The following VTI1B variants were observed in gnomAD, a reference collection of about 807,000 sequenced individuals.
VTI1B encodes the protein vesicle transport through interaction with t-SNAREs homolog 1B.
In VTI1B, 18 loss-of-function variants were observed where a neutral mutation model predicts 28.6. The observed-to-expected ratio is 0.63, with a 90% CI of 0.43 to 0.93. The LOEUF (loss-of-function observed/expected upper bound fraction) is 0.93, where lower values mean the gene tolerates loss of function less well. Among genes scored for constraint, VTI1B ranks in the 40% least tolerant of loss-of-function variants. VTI1B has a pLI of 0.00. For synonymous variants in VTI1B, 100 were observed against 107.9 expected, an observed-to-expected ratio of 0.93 and a Z score of 0.46; for missense variants, 283 against 297.0, an observed-to-expected ratio of 0.95 and a Z score of 0.35.
chr14:67,662,462 G>A lies in VTI1B; in HGVS notation c.174+15C>T, dbSNP rs1457923799. ...ACACCAGGTAGAAGAAACAAAATTT[G>A]TTCCTTGTTCTCACCGTTTCATTTG... is the stretch of plus-strand genomic sequence containing the variant. On this transcript the variant is annotated intron_variant, in intron 2 of 5. Coordinates refer to ENST00000554659, the MANE Select transcript of VTI1B (RefSeq NM_006370.3). 1 of 1,610,604 alleles carries A rather than the reference G, an allele frequency of 6.2e-7. No homozygotes were observed. The highest frequency in any genetic ancestry group is 8.5e-7 in the Non-Finnish European group (1 of 1,178,468).
rs534640426 is a variant in VTI1B, at chr14:67,651,085, T to C, written c.*300A>G. Reference sequence around the variant, plus strand: ...TCCCCTCTATTTTGGTGACCAATACTACTGTAAATGTATTTGGTTTTTTGC... The same window carrying C: ...TCCCCTCTATTTTGGTGACCAATACCACTGTAAATGTATTTGGTTTTTTGC... On this transcript the variant is annotated 3_prime_UTR_variant, in exon 6 of 6. Transcript: ENST00000554659. The C allele has an allele frequency of 2.3e-5, 22 of 939,878 alleles. No homozygotes were observed. The highest frequency in any genetic ancestry group is 3.5e-5 in the Non-Finnish European group (22 of 632,944). The allele number at this position is 939,878 out of a possible 1,614,324, so 58.2% of individuals were successfully genotyped here.
At chr14:67,665,551 GCCA>G (rs1314885139) in intron 1 of VTI1B, among the ~76,000 whole-genome samples, 2 of 152,042 alleles carry the variant, frequency 1.3e-5, no homozygotes, top group Admixed American at 1.3e-4. Flanking sequence ...ACAGGTGTGA[GCCA>G]CCACACCTGT....
At chr14:67,661,120 AT>A (rs1443234185) in intron 2 of VTI1B, among the ~76,000 whole-genome samples, 3 of 151,924 alleles carry the variant, frequency 2.0e-5, no homozygotes, top group Non-Finnish European at 4.4e-5. Flanking sequence ...CCAAAAGAGA[AT>A]TTTTTCTCCA....
chr14:67,669,164 T>G (rs2037436981), intron 1 of VTI1B, among the ~76,000 whole-genome samples: 1 of 152,126 alleles, frequency 6.6e-6, no homozygotes, highest in Non-Finnish European at 1.5e-5. Context: ...CTGTCCAAGG[T>G]CACACTGCTA....
At chr14:67,672,444 TTTC>T (rs1290014137) in intron 1 of VTI1B, among the ~76,000 whole-genome samples, 4 of 98,278 alleles carry the variant, frequency 4.1e-5, no homozygotes, top group Non-Finnish European at 7.8e-5. Context: ...TTTCTTTTCT[TTTC>T]TTTTTTTTTT....
intron 1 of VTI1B, among the ~76,000 whole-genome samples, chr14:67,664,887 G>A (rs2037381159): frequency 6.6e-6 from 1 of 151,824 alleles, no homozygotes; most frequent in Non-Finnish European, 1.5e-5. Flanking sequence ...CTTTTTTTGA[G>A]ACTGTGTCTC....
chr14:67,671,878 G>A (rs2031116413), intron 1 of VTI1B, among the ~76,000 whole-genome samples: 1 of 152,152 alleles, frequency 6.6e-6, no homozygotes, highest in Non-Finnish European at 1.5e-5. Context: ...GCCACTCTCA[G>A]GATAACAATC....
rs746138782 is a variant in VTI1B at position 67,662,575 on chromosome 14, T to A, written c.116-40A>T. On this transcript the variant is annotated intron_variant, in intron 1 of 5. Coordinates refer to ENST00000554659, the MANE Select transcript of VTI1B (RefSeq NM_006370.3). The stretch of plus-strand genomic sequence containing the variant: ...TAAGTTTCAAATGCTTATTACTGTT[T>A]CCACACATTTGTAAAGGCCATTCCC... 2.6e-6 allele frequency: 4 copies of A among 1,557,466 alleles called. No individual in the cohort carries two copies. In the South Asian group the frequency reaches 4.6e-5, roughly 18 times the overall value.
chr14:67,669,270 ATTT>A (rs33972864), intron 1 of VTI1B, among the ~76,000 whole-genome samples: 7 of 139,984 alleles, frequency 5.0e-5, no homozygotes, highest in African/African-American at 1.1e-4. Flanking sequence ...CTTCTTCATA[ATTT>A]TTTTTTTTTT....
At chr14:67,667,578 G>A (rs2037416789) in intron 1 of VTI1B, among the ~76,000 whole-genome samples, 1 of 152,170 alleles carries the variant, frequency 6.6e-6, no homozygotes, top group Non-Finnish European at 1.5e-5. Context: ...TCAATAAATA[G>A]AAACCACCAT....
intron 1 of VTI1B, among the ~76,000 whole-genome samples, chr14:67,667,672 C>T (rs891889544): frequency 3.9e-5 from 6 of 152,090 alleles, no homozygotes; most frequent in East Asian, 1.9e-4. Context: ...AGGCCAGGCG[C>T]GGTGGCTCAC....
intron 1 of VTI1B, among the ~76,000 whole-genome samples, chr14:67,669,304 CT>C (rs1279643424): frequency 6.8e-6 from 1 of 146,726 alleles, no homozygotes; most frequent in African/African-American, 2.5e-5. Context: ...GAGTCTTGCT[CT>C]GTCACCCAGG....
chr14:67,657,092 T>A (rs1430960498), intron 3 of VTI1B: 2 of 152,372 alleles, frequency 1.3e-5, no homozygotes, highest in African/African-American at 2.4e-5. Context: ...AGCTATTCTG[T>A]TCTTCGTTTT....
Position 67,650,600 on chromosome 14 carries a change from C to T in VTI1B, c.*785G>A. The T allele has an allele frequency of 1.1e-6, 1 of 899,932 alleles. No homozygotes were observed. The highest frequency in any genetic ancestry group is 1.8e-6 in the Non-Finnish European group (1 of 563,540). 55.7% of individuals were successfully genotyped at this position (899,932 alleles called of 1,614,324 possible). A position where few individuals can be genotyped will look rare whatever the true frequency, so the allele number is the denominator to read the frequency against. On this transcript the variant is annotated 3_prime_UTR_variant, in exon 6 of 6. Transcript: ENST00000554659. ...GCTTCCTAAAAATAGGTATTTTCTA[C>T]TATAAAATGGACTCTTGTTTTTACT... is the stretch of plus-strand genomic sequence containing the variant.
chr14:67,659,714 A>C lies in VTI1B; in HGVS notation c.366+17T>G. The C allele has an allele frequency of 6.4e-7, 1 of 1,573,392 alleles. No homozygotes were observed. The highest frequency in any genetic ancestry group is 2.0e-5 in the Admixed American group (1 of 50,662). ...CCTTAAAGGAAAAAAAAAACAAACA[A>C]AACAGCTAAAACTTACCATATGCTC... On this transcript the variant is annotated intron_variant, in intron 3 of 5. Transcript: ENST00000554659.
chr14:67,651,647 G>T (rs1804799), intron 5 of VTI1B, 166 bp from the exon 6 acceptor site: 41,469 of 602,932 alleles, frequency 0.069, 2,331 homozygotes, highest in East Asian at 0.22. Flanking sequence ...TGTCACTTAG[G>T]GATAACACTG....
intron 1 of VTI1B, chr14:67,662,915 AAAAAAAG>A: frequency 7.8e-7 from 1 of 1,281,950 alleles, no homozygotes; most frequent in Non-Finnish European, 9.8e-7. Context: ...AAAAAAAAAA[AAAAAAAG>A]AATGTTTACC....
At chr14:67,666,478 T>C (rs1415445668) in intron 1 of VTI1B, among the ~76,000 whole-genome samples, 1 of 152,256 alleles carries the variant, frequency 6.6e-6, no homozygotes, top group African/African-American at 2.4e-5. Flanking sequence ...TATGAGATCC[T>C]TTCTGGACTT....
In VTI1B at chr14:67,658,062, T is replaced by G. The variant is rs528234261; in HGVS notation, c.367-1473A>C. On this transcript the variant is annotated intron_variant, in intron 3 of 5. Transcript: ENST00000554659. Reference sequence around the variant, plus strand: ...CTGTGCCCGGCGCTCTGTAGCATTTTCACTTAATAAATGGCATACAGACCA... The same window carrying G: ...CTGTGCCCGGCGCTCTGTAGCATTTGCACTTAATAAATGGCATACAGACCA... 7.0e-4 allele frequency among the ~76,000 whole-genome samples: 107 copies of G among 152,148 alleles called. 1 individual carries two copies. Among genetic ancestry groups the G allele is most frequent in the Non-Finnish European group, 1.1e-3 (73 of 68,028 alleles).
Sources: allele counts gnomAD v4.1 joint callset (sites outside exome capture counted in the v4.1 genomes callset), GRCh38; gene constraint gnomAD v4.1.1; transcripts MANE v1.5; gene names NCBI Gene and HGNC (gene_info 2026-07-23, HGNC 2026-07-21).